GPC5: variants seen among roughly 807,000 people sequenced by gnomAD.
The protein encoded by GPC5 is glypican 5.
GPC5 carries 47 observed loss-of-function variants against 53.9 expected under a neutral mutation model. The ratio of observed to expected loss-of-function variants is 0.87; its 90% confidence interval spans 0.69 to 1.11. The LOEUF (loss-of-function observed/expected upper bound fraction) is 1.11, where lower values mean the gene tolerates loss of function less well. Ranked by LOEUF, GPC5 falls within the 50% of genes most tolerant of loss-of-function variation. GPC5 has a pLI of 0.00. For missense variants in GPC5, 748 were observed against 713.1 expected (o/e 1.05, Z -0.56); for synonymous variants, 286 against 263.3 (o/e 1.09, Z -0.84).
At chr13:92,416,232 CTCTT>C (rs1458269970) in intron 7 of GPC5, among the ~76,000 whole-genome samples, 9 of 152,166 alleles carry the variant, frequency 5.9e-5, no homozygotes, top group Non-Finnish European at 1.3e-4. Context: ...TTTATGATGA[CTCTT>C]TCTCATCACA....
chr13:92,287,647 A>T (rs566730649), intron 7 of GPC5, among the ~76,000 whole-genome samples: 1 of 152,216 alleles, frequency 6.6e-6, no homozygotes, highest in African/African-American at 2.4e-5. Flanking sequence ...GCTGTCAATT[A>T]TATTGAAAGG....
chr13:91,423,035 C>T (rs1190979785), intron 1 of GPC5, among the ~76,000 whole-genome samples: 2 of 152,134 alleles, frequency 1.3e-5, no homozygotes, highest in Non-Finnish European at 2.9e-5. Context: ...TGAATTCACA[C>T]CTTATGTTGG....
rs190143897 is a variant in GPC5 at position 91,728,346 on chromosome 13, C to T, written c.1021-186C>T. 1.9e-4 allele frequency among the ~76,000 whole-genome samples: 29 copies of T among 151,968 alleles called. No homozygotes were observed. The East Asian group carries it at 2.3e-3, about 12-fold the overall frequency. ...CATGACATCCATTTATCATAATTGC[C>T]GTATTCAGATAATTTACTTTCCTCT... On this transcript the variant is annotated intron_variant, in intron 3 of 7. Transcript: ENST00000377067.
intron 7 of GPC5, among the ~76,000 whole-genome samples, chr13:92,285,924 A>C (rs1391255440): frequency 1.9e-5 from 2 of 102,732 alleles, no homozygotes; most frequent in Non-Finnish European, 4.2e-5. Flanking sequence ...TCTGCACAGC[A>C]AAAAAAAACC....
chr13:92,195,257 A>G (rs964391157), intron 7 of GPC5, among the ~76,000 whole-genome samples: 2 of 152,188 alleles, frequency 1.3e-5, no homozygotes, highest in Admixed American at 6.5e-5. Flanking sequence ...AGTGATACAT[A>G]TGTGCAGTGC....
intron 3 of GPC5, among the ~76,000 whole-genome samples, chr13:91,701,741 C>G (rs2035997491): frequency 6.6e-6 from 1 of 152,024 alleles, no homozygotes. Context: ...ATTGTGAATA[C>G]TGCTGCAATA....
intron 7 of GPC5, among the ~76,000 whole-genome samples, chr13:92,655,422 C>T (rs1156629101): frequency 6.6e-6 from 1 of 152,056 alleles, no homozygotes; most frequent in Non-Finnish European, 1.5e-5. Flanking sequence ...GCAAACTCCG[C>T]TTCCTCGGTT....
intron 7 of GPC5, among the ~76,000 whole-genome samples, chr13:92,350,413 T>C (rs2043466240): frequency 6.6e-6 from 1 of 152,112 alleles, no homozygotes; most frequent in African/African-American, 2.4e-5. Flanking sequence ...AATAAATGAA[T>C]TATGCTAAGT....
intron 6 of GPC5, among the ~76,000 whole-genome samples, chr13:92,013,608 T>A (rs2138779013): frequency 6.6e-6 from 1 of 152,282 alleles, no homozygotes; most frequent in East Asian, 1.9e-4. Context: ...GGCCATGGGT[T>A]TCAGGCTACT....
At chr13:91,761,188 A>T (rs191756184) in intron 5 of GPC5, among the ~76,000 whole-genome samples, 1 of 152,276 alleles carries the variant, frequency 6.6e-6, no homozygotes, top group East Asian at 1.9e-4. Context: ...CCTTTTGATT[A>T]ACAGATAATC....
At chr13:91,979,964 T>C (rs2040342733) in intron 6 of GPC5, among the ~76,000 whole-genome samples, 1 of 152,186 alleles carries the variant, frequency 6.6e-6, no homozygotes, top group African/African-American at 2.4e-5. Context: ...CACCTCCGCC[T>C]TTTACTTTAT....
intron 6 of GPC5, among the ~76,000 whole-genome samples, chr13:92,108,160 T>G (rs1311082007): frequency 6.6e-6 from 1 of 152,152 alleles, no homozygotes; most frequent in Non-Finnish European, 1.5e-5. Flanking sequence ...TCTTTACATA[T>G]TTTCTTGAAA....
chr13:92,315,700 T>C (rs74107195), intron 7 of GPC5, among the ~76,000 whole-genome samples: 3,447 of 152,306 alleles, frequency 0.023, 143 homozygotes, highest in African/African-American at 0.079. Context: ...AGACAAACTG[T>C]GAAAAGAATT....
chr13:91,549,856 T>C (rs1428296155), intron 2 of GPC5, among the ~76,000 whole-genome samples: 1 of 152,180 alleles, frequency 6.6e-6, no homozygotes, highest in Non-Finnish European at 1.5e-5. Context: ...TGTCAATTTC[T>C]TACAAAACTA....
At chr13:92,483,044 T>C (rs1879417057) in intron 7 of GPC5, among the ~76,000 whole-genome samples, 1 of 152,134 alleles carries the variant, frequency 6.6e-6, no homozygotes, top group Admixed American at 6.5e-5. Flanking sequence ...GGAACTCCCA[T>C]CTATAAAACC....
intron 2 of GPC5, among the ~76,000 whole-genome samples, chr13:91,556,094 C>A (rs1243557838): frequency 2.6e-5 from 4 of 151,940 alleles, no homozygotes; most frequent in African/African-American, 7.3e-5. Context: ...CCACTTCTGA[C>A]CCCTGGCAAC....
At chr13:92,469,875 A>C (rs578154514) in intron 7 of GPC5, among the ~76,000 whole-genome samples, 9 of 152,150 alleles carry the variant, frequency 5.9e-5, no homozygotes, top group Non-Finnish European at 1.3e-4. Flanking sequence ...AATGAGGTAC[A>C]TGTGTAAACT....
chr13:91,937,382 A>T (rs1280955790), intron 6 of GPC5, among the ~76,000 whole-genome samples: 1 of 152,002 alleles, frequency 6.6e-6, no homozygotes, highest in Admixed American at 6.6e-5. Context: ...GATGTTTCTG[A>T]TTAGATTTAG....
At chr13:92,690,282 C>T (rs1887345161) in intron 7 of GPC5, among the ~76,000 whole-genome samples, 1 of 74,268 alleles carries the variant, frequency 1.3e-5, no homozygotes, top group Non-Finnish European at 2.4e-5. Flanking sequence ...ATTCTTTTTT[C>T]TCTAAACTTC....
Sources: gnomAD v4.1 joint callset for allele counts (sites outside exome capture counted in the v4.1 genomes callset) on GRCh38, gnomAD v4.1.1 for gene constraint, MANE v1.5 for transcripts, NCBI Gene and HGNC (gene_info 2026-07-23, HGNC 2026-07-21) for gene names.